C2CD3: variants seen among roughly 807,000 people sequenced by gnomAD.
C2CD3 encodes the protein C2 domain containing 3 centriole elongation regulator.
C2CD3 carries 148 observed loss-of-function variants against 234.0 expected under a neutral mutation model. The observed-to-expected ratio is 0.63, with a 90% CI of 0.55 to 0.72. The LOEUF is 0.72. C2CD3 is among the 30% of genes least tolerant of loss of function. The pLI, the probability that C2CD3 is intolerant of heterozygous loss-of-function variation, is 0.00. For synonymous variants in C2CD3, 1,000 were observed against 1,035.4 expected, an observed-to-expected ratio of 0.97 and a Z score of 0.66; for missense variants, 2,577 against 2,811.5, an observed-to-expected ratio of 0.92 and a Z score of 1.89.
chr11:74,081,681 T>C (rs1288795689), intron 22 of C2CD3, among the ~76,000 whole-genome samples: 1 of 152,176 alleles, frequency 6.6e-6, no homozygotes, highest in Non-Finnish European at 1.5e-5. Flanking sequence ...GATAGTATAA[T>C]GTCTTGAGCT....
intron 2 of C2CD3, among the ~76,000 whole-genome samples, chr11:74,167,146 A>C (rs1856862575): frequency 6.6e-6 from 1 of 152,244 alleles, no homozygotes; most frequent in Non-Finnish European, 1.5e-5. Flanking sequence ...ACACCAATGT[A>C]AATGTTCGGA....
At chr11:74,123,307 C>T (rs557520122) in intron 7 of C2CD3, among the ~76,000 whole-genome samples, 172 bp from the exon 8 acceptor site, 2 of 152,178 alleles carry the variant, frequency 1.3e-5, no homozygotes, top group Non-Finnish European at 2.9e-5. Context: ...TACTACCCCT[C>T]CTCTGGGATG....
chr11:74,100,757 T>C (rs1956285751), intron 14 of C2CD3, 81 bp from the exon 15 acceptor site: 1 of 1,225,650 alleles, frequency 8.2e-7, no homozygotes, highest in African/African-American at 1.5e-5. Context: ...TCAATAAGCA[T>C]TTACAGAAAG....
At chr11:74,137,945 G>A (rs1957923863) in intron 5 of C2CD3, among the ~76,000 whole-genome samples, 1 of 152,044 alleles carries the variant, frequency 6.6e-6, no homozygotes, top group South Asian at 2.1e-4. Context: ...TAAACAAAAT[G>A]TTTTTGTTCT....
chr11:74,094,592 G>A (rs1437836268), intron 17 of C2CD3, among the ~76,000 whole-genome samples: 2 of 152,140 alleles, frequency 1.3e-5, no homozygotes, highest in Non-Finnish European at 2.9e-5. Flanking sequence ...GAGACTACCA[G>A]AAGATGGAGA....
intron 2 of C2CD3, among the ~76,000 whole-genome samples, chr11:74,165,482 T>A (rs1856745455): frequency 6.6e-6 from 1 of 152,204 alleles, no homozygotes; most frequent in Non-Finnish European, 1.5e-5. Flanking sequence ...TTAATTAGTT[T>A]ACTTTTTGCA....
chr11:74,113,024 T>C (rs1020245712), intron 11 of C2CD3, among the ~76,000 whole-genome samples: 2 of 152,044 alleles, frequency 1.3e-5, no homozygotes, highest in African/African-American at 2.4e-5. Context: ...TTATGCAAAA[T>C]TGCCAGGAAG....
chr11:74,013,413 A>G lies in C2CD3; in HGVS notation c.7034T>C (p.Phe2345Ser). 7.7e-7 allele frequency: 1 copy of G among 1,290,374 alleles called. No homozygotes were observed. Among genetic ancestry groups the G allele is most frequent in the Admixed American group, 3.3e-5 (1 of 30,430 alleles). The allele number at this position is 1,290,374 out of a possible 1,614,324, so 79.9% of individuals were successfully genotyped here. ...EEETLRIARI[F>S]SSQYSQKD ...GTCTTTCTGGGAGTACTGAGAAGAAAATATCCGTGCAATCCTGAGAGTTTC... is the reference window on the plus strand; with the variant it reads ...GTCTTTCTGGGAGTACTGAGAAGAAGATATCCGTGCAATCCTGAGAGTTTC... Residue 2345 changes from phenylalanine to serine, a missense_variant, in exon 33 of 33, where the codon TTT becomes TCT. By Grantham distance (155) the Phe-to-Ser change is radical (BLOSUM62 -2). Coordinates refer to ENST00000334126, the MANE Select transcript of C2CD3 (RefSeq NM_001286577.2).
At chr11:74,080,771 G>C (rs542191985) in intron 22 of C2CD3, among the ~76,000 whole-genome samples, 1 of 151,570 alleles carries the variant, frequency 6.6e-6, no homozygotes, top group Non-Finnish European at 1.5e-5. Context: ...AGGAAATTGA[G>C]GTATCCTACG....
At chr11:74,096,228 C>T (rs947483697) in intron 16 of C2CD3, among the ~76,000 whole-genome samples, 2 of 152,022 alleles carry the variant, frequency 1.3e-5, no homozygotes, top group Non-Finnish European at 2.9e-5. Context: ...GTTCTTTATC[C>T]CTATTCTATA....
chr11:74,136,047 C>A (rs1957852737), intron 5 of C2CD3, among the ~76,000 whole-genome samples: 1 of 151,874 alleles, frequency 6.6e-6, no homozygotes, highest in Non-Finnish European at 1.5e-5. Flanking sequence ...ATCATTCATA[C>A]CCCAATTCTC....
intron 24 of C2CD3, among the ~76,000 whole-genome samples, chr11:74,066,285 T>G: frequency 7.5e-6 from 1 of 132,542 alleles, no homozygotes. Flanking sequence ...GGGATAGTGT[T>G]AGGAGATATA....
chr11:74,055,453 G>A (rs1008582063), intron 25 of C2CD3, among the ~76,000 whole-genome samples: 2 of 152,216 alleles, frequency 1.3e-5, no homozygotes, highest in African/African-American at 4.8e-5. Flanking sequence ...AGGTAAGCAA[G>A]ATGGAGATCT....
At chr11:74,094,614 A>G (rs1414169033) in intron 17 of C2CD3, among the ~76,000 whole-genome samples, 1 of 152,130 alleles carries the variant, frequency 6.6e-6, no homozygotes, top group Non-Finnish European at 1.5e-5. Context: ...AGTAGGAGGC[A>G]GTGAGAAGCT....
chr11:74,076,614 C>T (rs1955052704), intron 23 of C2CD3, among the ~76,000 whole-genome samples: 1 of 152,190 alleles, frequency 6.6e-6, no homozygotes, highest in African/African-American at 2.4e-5. Flanking sequence ...CAACACAGTA[C>T]TCCTGCCTAC....
chr11:74,170,959 G>T lies in C2CD3; in HGVS notation c.-167C>A. The T allele has an allele frequency of 6.8e-7, 1 of 1,470,686 alleles. No homozygotes were observed. 91.1% of individuals were successfully genotyped at this position (1,470,686 alleles called of 1,614,324 possible). ...TTCCTCTAACAGTCTCCGGAAAACG[G>T]TGCGAAGAGAAGGCGCCAAGACGCC... On this transcript the variant is annotated 5_prime_UTR_variant, in exon 1 of 33. Transcript: ENST00000334126.
At chr11:74,062,931 A>C (rs1352382338) in intron 24 of C2CD3, among the ~76,000 whole-genome samples, 1 of 152,224 alleles carries the variant, frequency 6.6e-6, no homozygotes, top group East Asian at 1.9e-4. Context: ...GACACAATAA[A>C]AAATGATAAA....
chr11:74,043,621 C>T (rs1488365306), intron 28 of C2CD3, among the ~76,000 whole-genome samples: 4 of 152,084 alleles, frequency 2.6e-5, no homozygotes, highest in East Asian at 1.9e-4. Flanking sequence ...AATTTATCTA[C>T]CCCTTCCTAA....
At chr11:74,102,537 A>G (rs1438045483) in intron 14 of C2CD3, among the ~76,000 whole-genome samples, 1 of 152,246 alleles carries the variant, frequency 6.6e-6, no homozygotes, top group East Asian at 1.9e-4. Context: ...TTGATTTGGA[A>G]GAGTGCCAGC....
Sources: gnomAD v4.1 joint callset for allele counts (sites outside exome capture counted in the v4.1 genomes callset) on GRCh38, gnomAD v4.1.1 for gene constraint, MANE v1.5 for transcripts, NCBI Gene and HGNC (gene_info 2026-07-23, HGNC 2026-07-21) for gene names.